The following PUM1 variants were observed in gnomAD, a reference collection of about 807,000 sequenced individuals.
PUM1 encodes the protein pumilio RNA binding family member 1.
PUM1 carries 13 observed loss-of-function variants against 131.8 expected under a neutral mutation model. The ratio of observed to expected loss-of-function variants is 0.10; its 90% CI spans 0.06 to 0.16. PUM1 has a LOEUF of 0.16. Among genes scored for constraint, PUM1 ranks in the 10% least tolerant of loss-of-function variants. PUM1 has a pLI of 1.00. For synonymous variants in PUM1, 509 were observed against 556.5 expected (o/e 0.91, Z 1.20); for missense variants, 961 against 1,512.4 (o/e 0.64, Z 6.05).
chr1:31,048,109 G>C (rs1405534208), intron 2 of PUM1, among the ~76,000 whole-genome samples: 5 of 150,186 alleles, frequency 3.3e-5, no homozygotes, highest in Non-Finnish European at 7.4e-5. Flanking sequence ...CTTGGTGGCG[G>C]GCGCCTATAG....
intron 10 of PUM1, among the ~76,000 whole-genome samples, chr1:30,971,097 T>C (rs1261984261): frequency 6.6e-6 from 1 of 152,224 alleles, no homozygotes; most frequent in African/African-American, 2.4e-5. Flanking sequence ...TCCATGATTT[T>C]ATGGAAACAA....
At chr1:31,002,129 G>A (rs545670920) in intron 5 of PUM1, among the ~76,000 whole-genome samples, 1 of 152,258 alleles carries the variant, frequency 6.6e-6, no homozygotes, top group South Asian at 2.1e-4. Context: ...ATGAATTAAG[G>A]TCCATTTGAA....
intron 2 of PUM1, among the ~76,000 whole-genome samples, chr1:31,049,631 G>T (rs989934259): frequency 1.3e-5 from 2 of 151,938 alleles, no homozygotes; most frequent in African/African-American, 4.8e-5. Flanking sequence ...AGTGATCTGA[G>T]ATCCTGCCAC....
At position 30,933,439 on chromosome 1, in the gene PUM1, T is replaced by TACACACACACACACACAC. The variant is rs58664754; in HGVS notation, c.3436-115_3436-98dup. The TACACACACACACACACAC allele has an allele frequency of 1.4e-3, 499 of 363,944 alleles. 9 individuals carry two copies. The highest frequency in any genetic ancestry group is 3.8e-3 in the East Asian group (43 of 11,226). 22.5% of individuals were successfully genotyped at this position (363,944 alleles called of 1,614,324 possible). A position where few individuals can be genotyped will look rare whatever the true frequency, so the allele number is the denominator to read the frequency against. ...TTGCATGTCATGCATCACACACACA[T>TACACACACACACACACAC]ACACACACACACACACACACACACA... On this transcript the variant is annotated intron_variant, in intron 21 of 21. Transcript: ENST00000426105.
intron 15 of PUM1, 138 bp from the exon 16 acceptor site, chr1:30,952,501 C>A: frequency 2.3e-6 from 3 of 1,280,638 alleles, no homozygotes; most frequent in Middle Eastern, 1.9e-4. Flanking sequence ...CACAATAAAC[C>A]AAACTTTATT....
rs1464558541 is a variant in PUM1 at position 30,933,318 on chromosome 1, G to A, written c.3460C>T (p.Arg1154Cys). ...HKIRPHIATLRKYTYGKHILA... is the reference protein window; with the variant it reads ...HKIRPHIATLCKYTYGKHILA... ...ATGTGCTTGCCATAGGTGTACTTAC[G>A]AAGAGTTGCGATGTGGGGCCGGATC... The change falls in exon 22 of 22, where the codon CGT becomes TGT. Residue 1154 changes from arginine to cysteine, a missense_variant. Arg to Cys is a radical substitution (Grantham distance 180, BLOSUM62 -3). Coordinates refer to ENST00000426105, the MANE Select transcript of PUM1 (RefSeq NM_001020658.2). 2 of 1,613,792 alleles carry A rather than the reference G, an allele frequency of 1.2e-6. No homozygotes were observed. The highest frequency in any genetic ancestry group is 8.5e-7 in the Non-Finnish European group (1 of 1,179,784).
chr1:30,981,189 C>T lies in PUM1; in HGVS notation c.1252+123G>A, dbSNP rs976898189. On this transcript the variant is annotated intron_variant, in intron 8 of 21. Transcript: ENST00000426105. The stretch of plus-strand genomic sequence containing the variant: ...CTGGACAAAAGGAAGAGGCCACTTA[C>T]TCTGTCTGAGGGATTTGTCTGAACT... The T allele has an allele frequency of 5.6e-6, 3 of 539,036 alleles. No individual in the cohort carries two copies. In the African/African-American group the frequency reaches 5.9e-5, roughly 11 times the overall value. 33.4% of individuals were successfully genotyped at this position (539,036 alleles called of 1,614,324 possible).
intron 3 of PUM1, among the ~76,000 whole-genome samples, chr1:31,009,784 A>AAAACAAAAACAG (rs58819405): frequency 6.7e-6 from 1 of 149,796 alleles, no homozygotes; most frequent in African/African-American, 2.5e-5. Flanking sequence ...AAAAAAAAAA[A>AAAACAAAAACAG]AAACAAAAAC....
chr1:31,002,127 A>C (rs1237617100), intron 5 of PUM1, among the ~76,000 whole-genome samples: 1 of 152,226 alleles, frequency 6.6e-6, no homozygotes, highest in Non-Finnish European at 1.5e-5. Context: ...AGATGAATTA[A>C]GGTCCATTTG....
At chr1:30,950,313 C>A in intron 16 of PUM1, 52 bp from the exon 17 acceptor site, 2 of 1,568,326 alleles carry the variant, frequency 1.3e-6, no homozygotes, top group Non-Finnish European at 1.7e-6. Flanking sequence ...GGAAATAAAC[C>A]AGAGAAAGCA....
chr1:30,950,064 G>T (rs973078462), intron 17 of PUM1, 63 bp downstream of exon 17: 97 of 1,533,328 alleles, frequency 6.3e-5, no homozygotes, highest in Non-Finnish European at 8.5e-5. Flanking sequence ...GAATTACAGG[G>T]TTCACTACAT....
intron 11 of PUM1, among the ~76,000 whole-genome samples, chr1:30,967,594 T>C (rs957900994): frequency 1.3e-5 from 2 of 152,224 alleles, no homozygotes; most frequent in Non-Finnish European, 2.9e-5. Flanking sequence ...TTATGTGAGA[T>C]AGAATCTCCA....
chr1:30,937,594 A>AT (rs201287348), intron 20 of PUM1, among the ~76,000 whole-genome samples: 24 of 151,228 alleles, frequency 1.6e-4, no homozygotes, highest in East Asian at 4.0e-4. Flanking sequence ...CAAATAAGTA[A>AT]TTTTTTTTTA....
chr1:31,052,761 C>T (rs960440929), intron 2 of PUM1, among the ~76,000 whole-genome samples: 3 of 147,120 alleles, frequency 2.0e-5, no homozygotes, highest in Non-Finnish European at 4.5e-5. Context: ...TGCAGTTGTG[C>T]GATCTCAGCT....
intron 2 of PUM1, among the ~76,000 whole-genome samples, chr1:31,057,726 A>C (rs1644276610): frequency 2.5e-5 from 1 of 39,436 alleles, no homozygotes; most frequent in Admixed American, 4.2e-4. Context: ...CTCCATCTCA[A>C]AAAAAAAAAA....
At chr1:30,949,674 T>C (rs1038823941) in intron 17 of PUM1, among the ~76,000 whole-genome samples, 1 of 151,866 alleles carries the variant, frequency 6.6e-6, no homozygotes, top group African/African-American at 2.4e-5. Context: ...TGGCACAGAG[T>C]GGGCTTCAGG....
intron 10 of PUM1, among the ~76,000 whole-genome samples, chr1:30,971,324 A>T (rs1640863545): frequency 6.6e-6 from 1 of 152,230 alleles, no homozygotes; most frequent in South Asian, 2.1e-4. Flanking sequence ...ATTTTCCTCA[A>T]ATACTTAAAA....
chr1:30,937,575 G>T (rs1639263476), intron 20 of PUM1, among the ~76,000 whole-genome samples: 2 of 151,534 alleles, frequency 1.3e-5, no homozygotes, highest in Admixed American at 6.5e-5. Context: ...GAGCCACCAT[G>T]CCTGGCCTCA....
At chr1:30,949,307 C>T in intron 17 of PUM1, 3 of 340,960 alleles carry the variant, frequency 8.8e-6, no homozygotes, top group South Asian at 6.4e-5. Flanking sequence ...CTGCCCAGCA[C>T]AAACACAACT....
Sources: allele counts gnomAD v4.1 joint callset (sites outside exome capture counted in the v4.1 genomes callset), GRCh38; gene constraint gnomAD v4.1.1; transcripts MANE v1.5; gene names NCBI Gene and HGNC (gene_info 2026-07-23, HGNC 2026-07-21).